The following GLS2 variants were observed in gnomAD, a reference collection of about 807,000 sequenced individuals.
GLS2 encodes glutaminase 2.
GLS2 carries 52 observed loss-of-function variants against 79.0 expected under a neutral mutation model. The observed-to-expected ratio is 0.66, with a 90% CI of 0.53 to 0.83. The LOEUF (loss-of-function observed/expected upper bound fraction) is 0.83, where lower values mean the gene tolerates loss of function less well. GLS2 is among the 40% of genes least tolerant of loss of function. GLS2 has a pLI of 0.00. For synonymous variants in GLS2, 238 were observed against 280.8 expected, an observed-to-expected ratio of 0.85 and a Z score of 1.52; for missense variants, 561 against 764.8, an observed-to-expected ratio of 0.73 and a Z score of 3.14.
intron 7 of GLS2, 93 bp downstream of exon 7, chr12:56,477,567 C>A: frequency 2.3e-6 from 3 of 1,304,118 alleles, no homozygotes; most frequent in Admixed American, 2.1e-5. Flanking sequence ...CAGAGCCCCA[C>A]CAGTCTCCCT....
At chr12:56,472,524 CTTTT>C (rs151260400) in intron 15 of GLS2, 162 bp downstream of exon 15, 2 of 648,740 alleles carry the variant, frequency 3.1e-6, no homozygotes, top group Non-Finnish European at 5.3e-6. Context: ...AGACAGTTTA[CTTTT>C]TTTAAAAAAA....
chr12:56,485,872 T>C (rs1361240273), intron 1 of GLS2, among the ~76,000 whole-genome samples: 6 of 151,770 alleles, frequency 4.0e-5, no homozygotes, highest in Non-Finnish European at 8.8e-5. Flanking sequence ...TGAAACCCCA[T>C]CTCTATTAAA....
Position 56,477,675 on chromosome 12 carries a change from G to A in GLS2, c.822C>T (p.Val274=). Residue 274 remains valine (V), a synonymous_variant, in exon 7 of 18, where the codon GTC becomes GTT. Transcript: ENST00000311966. ...NPMVNAGAIV[V]SSLIKMDCNK... Reference sequence around the variant, plus strand: ...TGGCACTGACCTTGATCAGGGAGCTGACAACAATGGCACCAGCATTGACCA... The same window carrying A: ...TGGCACTGACCTTGATCAGGGAGCTAACAACAATGGCACCAGCATTGACCA... 1 of 1,613,556 alleles carries A rather than the reference G, an allele frequency of 6.2e-7. No homozygotes were observed. The highest frequency in any genetic ancestry group is 8.5e-7 in the Non-Finnish European group (1 of 1,179,790).
At chr12:56,474,767 G>C in intron 11 of GLS2, 47 bp from the exon 12 acceptor site, 1 of 1,611,484 alleles carries the variant, frequency 6.2e-7, no homozygotes, top group Admixed American at 1.7e-5. Context: ...ACCTGCACAT[G>C]GGACCCTCGG....
At position 56,475,589 on chromosome 12, in the gene GLS2, A is replaced by G. The variant is rs374168192; in HGVS notation, c.929+35T>C. The G allele has an allele frequency of 3.7e-6, 6 of 1,603,960 alleles. No homozygotes were observed. The African/African-American group carries it at 6.7e-5, about 18-fold the overall frequency. On this transcript the variant is annotated intron_variant, in intron 9 of 17. Transcript: ENST00000311966. ...TCCTAAGTACACACACATACACCAC[A>G]ATGCTTTCAGTCAGTCCTCTGAGTA... is the stretch of plus-strand genomic sequence containing the variant.
intron 3 of GLS2, 76 bp from the exon 4 acceptor site, chr12:56,479,257 G>C: frequency 1.3e-6 from 2 of 1,560,036 alleles, no homozygotes; most frequent in South Asian, 2.3e-5. Flanking sequence ...CGGAAATTGG[G>C]AATAAAGAAG....
chr12:56,481,048 A>G (rs1189949281), intron 1 of GLS2, among the ~76,000 whole-genome samples: 1 of 152,154 alleles, frequency 6.6e-6, no homozygotes, highest in Non-Finnish European at 1.5e-5. Context: ...ACACAAAGTA[A>G]ATGTTCAATA....
At chr12:56,474,197 C>G (rs1272070642) in intron 12 of GLS2, 1 of 301,510 alleles carries the variant, frequency 3.3e-6, no homozygotes, top group African/African-American at 2.2e-5. Context: ...GGTTCAAGCA[C>G]TTCTGCCTCA....
intron 1 of GLS2, among the ~76,000 whole-genome samples, chr12:56,483,634 T>A (rs1179174996): frequency 6.6e-6 from 1 of 151,986 alleles, no homozygotes; most frequent in Non-Finnish European, 1.5e-5. Flanking sequence ...TTTTTAGAGA[T>A]GGGGTTTAGC....
intron 15 of GLS2, 111 bp from the exon 16 acceptor site, chr12:56,472,306 A>G: frequency 2.1e-6 from 2 of 938,792 alleles, no homozygotes; most frequent in Non-Finnish European, 3.4e-6. Flanking sequence ...GAAACAGCCT[A>G]TAGCCAGATT....
chr12:56,472,493 T>G, intron 15 of GLS2, 197 bp downstream of exon 15: 1 of 617,452 alleles, frequency 1.6e-6, no homozygotes, highest in Non-Finnish European at 2.8e-6. Context: ...TAACAATGGC[T>G]AACATTAATT....
chr12:56,474,887 TAGGAAAGC>T lies in GLS2; in HGVS notation c.998_1005del (p.Cys333Ter). ...AGGGCAGCCATCATGTCCACCCCCT[TAGGAAAGC>T]ACTGCAAGGAAGAGAGGGGAGAGCA... is the stretch of plus-strand genomic sequence containing the variant. On this transcript the variant is annotated frameshift_variant and splice_region_variant, in exon 11 of 18. Coordinates refer to ENST00000311966, the MANE Select transcript of GLS2 (RefSeq NM_013267.4). LOFTEE classifies it high-confidence loss of function. 1 of 1,614,064 alleles carries T rather than the reference TAGGAAAGC, an allele frequency of 6.2e-7. No homozygotes were observed. Among genetic ancestry groups the T allele is most frequent in the Non-Finnish European group, 8.5e-7 (1 of 1,179,988 alleles).
intron 9 of GLS2, 68 bp from the exon 10 acceptor site, chr12:56,475,178 C>T (rs1455779162): frequency 1.9e-6 from 3 of 1,608,614 alleles, no homozygotes; most frequent in Admixed American, 1.7e-5. Context: ...GGAAAAATTA[C>T]CTTCCCTGGA....
intron 8 of GLS2, 80 bp from the exon 9 acceptor site, chr12:56,475,762 G>T: frequency 6.6e-7 from 1 of 1,506,364 alleles, no homozygotes; most frequent in South Asian, 1.1e-5. Flanking sequence ...TAGCCCTTCT[G>T]AACTCAGGTC....
chr12:56,479,089 C>T lies in GLS2; in HGVS notation c.497G>A (p.Arg166His), dbSNP rs766672709. The change falls in exon 4 of 18, where the codon CGC becomes CAC. Residue 166 changes from arginine to histidine, a missense_variant. This residue lies in a region of GLS2 where 43 missense variants were observed against 92.8 expected (regional missense o/e 0.46). Transcript: ENST00000311966. ...GAGCTCTTTGACATCCTCAAAGATG[C>T]GATCCACATGGCCCGTGAACTCCTC... is the stretch of plus-strand genomic sequence containing the variant. ...DFEEFTGHVD[R>H]IFEDVKELTG... The T allele has an allele frequency of 1.5e-5, 24 of 1,613,670 alleles. No individual in the cohort carries two copies. Among genetic ancestry groups the T allele is most frequent in the African/African-American group, 1.1e-4 (8 of 74,826 alleles).
At chr12:56,479,755 G>A in intron 3 of GLS2, 25 bp downstream of exon 3, 1 of 1,585,628 alleles carries the variant, frequency 6.3e-7, no homozygotes, top group Non-Finnish European at 8.6e-7. Context: ...TCAGAGAGCA[G>A]TGCCCTTGTT....
chr12:56,474,855 G>C lies in GLS2; in HGVS notation c.1038C>G (p.Leu346=). The C allele has an allele frequency of 1.2e-6, 2 of 1,614,192 alleles. No individual in the cohort carries two copies. ...KGVDMMAALD[L]YFQLCSVEVT... Reference sequence around the variant, plus strand: ...AGCAGTGTTTTCTTACCTGGAAGTAGAGATCAAGGGCAGCCATCATGTCCA... The same window carrying C: ...AGCAGTGTTTTCTTACCTGGAAGTACAGATCAAGGGCAGCCATCATGTCCA... Residue 346 remains leucine (L), a synonymous_variant, in exon 11 of 18, where the codon CTC becomes CTG. Transcript: ENST00000311966.
intron 12 of GLS2, 71 bp from the exon 13 acceptor site, chr12:56,473,665 T>C: frequency 6.5e-7 from 1 of 1,528,774 alleles, no homozygotes; most frequent in Admixed American, 2.0e-5. Context: ...AGTTAGGCTG[T>C]ACTCTTAACA....
In GLS2 at chr12:56,479,998, A is replaced by G. The variant is rs559890220; in HGVS notation, c.283-97T>C. The stretch of plus-strand genomic sequence containing the variant: ...TGGATACCCAATTAGCTGAACCCCA[A>G]CCACTACAATAGGTGGAACAAATGG... On this transcript the variant is annotated intron_variant, in intron 2 of 17. Coordinates refer to ENST00000311966, the MANE Select transcript of GLS2 (RefSeq NM_013267.4). The G allele has an allele frequency of 1.9e-4, 278 of 1,470,210 alleles. 1 individual carries two copies. The African/African-American group carries it at 3.7e-3, about 19-fold the overall frequency. 91.1% of individuals were successfully genotyped at this position (1,470,210 alleles called of 1,614,324 possible).
Sources: allele counts gnomAD v4.1 joint callset (sites outside exome capture counted in the v4.1 genomes callset), GRCh38; gene constraint gnomAD v4.1.1; regional missense constraint gnomAD v4.1.1; transcripts MANE v1.5; gene names NCBI Gene and HGNC (gene_info 2026-07-23, HGNC 2026-07-21).